Variants in SMOC1 observed in about 807,000 individuals in gnomAD.
SMOC1 encodes the protein SPARC related modular calcium binding 1.
SMOC1 carries 22 observed loss-of-function variants against 56.3 expected under a neutral mutation model. That is an observed-to-expected ratio of 0.39 (90% confidence interval 0.28 to 0.56). SMOC1 has a LOEUF of 0.56. SMOC1 is among the 20% of genes least tolerant of loss of function. SMOC1 has a pLI of 0.61. For missense variants in SMOC1, 509 were observed against 565.4 expected (o/e 0.90, Z 1.01); for synonymous variants, 193 against 215.0 (o/e 0.90, Z 0.89).
chr14:69,902,789 G>A (rs1211629533), intron 1 of SMOC1, among the ~76,000 whole-genome samples: 1 of 152,162 alleles, frequency 6.6e-6, no homozygotes, highest in East Asian at 1.9e-4. Flanking sequence ...ACTGGTTTTC[G>A]TATTTTTTTT....
At chr14:69,879,849 A>G in intron 1 of SMOC1, 72 bp downstream of exon 1, 1 of 1,321,252 alleles carries the variant, frequency 7.6e-7, no homozygotes, top group Non-Finnish European at 1.0e-6. Flanking sequence ...TCCCTGAGGG[A>G]AGGAGGAGGG....
intron 1 of SMOC1, among the ~76,000 whole-genome samples, chr14:69,882,340 A>C (rs1026129350): frequency 3.9e-5 from 6 of 152,204 alleles, no homozygotes; most frequent in African/African-American, 1.4e-4. Context: ...CTAGGAAACC[A>C]AGAGCATGCC....
intron 7 of SMOC1, among the ~76,000 whole-genome samples, chr14:69,997,210 G>A (rs1884799109): frequency 6.6e-6 from 1 of 152,198 alleles, no homozygotes; most frequent in Non-Finnish European, 1.5e-5. Flanking sequence ...GACATGCCCA[G>A]GTAAGCCTGC....
At chr14:69,987,866 C>T (rs1884423798) in intron 5 of SMOC1, among the ~76,000 whole-genome samples, 1 of 152,192 alleles carries the variant, frequency 6.6e-6, no homozygotes, top group Non-Finnish European at 1.5e-5. Context: ...AACCCACTGT[C>T]TGTATAGGCT....
At chr14:69,952,690 G>T (rs949608776) in intron 2 of SMOC1, among the ~76,000 whole-genome samples, 1 of 152,138 alleles carries the variant, frequency 6.6e-6, no homozygotes, top group African/African-American at 2.4e-5. Flanking sequence ...AAACATTTGG[G>T]ATAACATTTA....
intron 1 of SMOC1, among the ~76,000 whole-genome samples, chr14:69,935,289 C>A (rs890866574): frequency 6.6e-6 from 1 of 152,056 alleles, no homozygotes; most frequent in East Asian, 1.9e-4. Flanking sequence ...TTAAATGCAC[C>A]AAAAGTTGGG....
chr14:69,936,532 G>A (rs1338693963), intron 1 of SMOC1, among the ~76,000 whole-genome samples: 1 of 152,254 alleles, frequency 6.6e-6, no homozygotes, highest in African/African-American at 2.4e-5. Context: ...AGCCGAGAAG[G>A]CATCCTTCCT....
chr14:69,972,734 C>A (rs1210482571), intron 3 of SMOC1, among the ~76,000 whole-genome samples: 3 of 152,202 alleles, frequency 2.0e-5, no homozygotes, highest in Admixed American at 6.5e-5. Context: ...GCCCACAGGT[C>A]AGATTATATC....
At position 69,909,927 on chromosome 14, in the gene SMOC1, C is replaced by T. The variant is rs540722636; in HGVS notation, c.99+30150C>T. Reference sequence around the variant, plus strand: ...CTCCATTGATTATTAGTCAAGAGGACGTGATTGGAGACCAAATTTCTTTTT... The same window carrying T: ...CTCCATTGATTATTAGTCAAGAGGATGTGATTGGAGACCAAATTTCTTTTT... On this transcript the variant is annotated intron_variant, in intron 1 of 11. Transcript: ENST00000361956. 7.2e-5 allele frequency among the ~76,000 whole-genome samples: 11 copies of T among 152,268 alleles called. 1 individual carries two copies. Among genetic ancestry groups the T allele is most frequent in the South Asian group, 6.2e-4 (3 of 4,820 alleles).
intron 1 of SMOC1, among the ~76,000 whole-genome samples, chr14:69,949,165 C>G (rs951169600): frequency 9.9e-5 from 15 of 152,206 alleles, no homozygotes; most frequent in Non-Finnish European, 1.6e-4. Context: ...AGATGGCAGG[C>G]TCTGGGCCAC....
chr14:69,971,412 G>C lies in SMOC1; in HGVS notation c.379-4303G>C, dbSNP rs150595486. Among the ~76,000 whole-genome samples, 144 of 152,322 alleles carry C rather than the reference G, an allele frequency of 9.5e-4. 1 individual carries two copies. Among genetic ancestry groups the C allele is most frequent in the African/African-American group, 3.0e-3 (123 of 41,572 alleles). On this transcript the variant is annotated intron_variant, in intron 3 of 11. Coordinates refer to ENST00000361956, the MANE Select transcript of SMOC1 (RefSeq NM_001034852.3). ...GAGTAAACACTTTTTGTCCCTTAAG[G>C]AGGAGCCATCTGTTGACACTTCAGC...
chr14:69,890,195 T>C (rs757716953), intron 1 of SMOC1, among the ~76,000 whole-genome samples: 6 of 152,262 alleles, frequency 3.9e-5, no homozygotes, highest in Non-Finnish European at 7.3e-5. Flanking sequence ...AGCCTCTTAA[T>C]GATGAAGTCG....
At chr14:70,003,055 CT>C (rs1885026018) in intron 7 of SMOC1, among the ~76,000 whole-genome samples, 1 of 152,226 alleles carries the variant, frequency 6.6e-6, no homozygotes, top group African/African-American at 2.4e-5. Context: ...GCACGCTGAC[CT>C]AGAGAATCCT....
chr14:69,924,579 C>G (rs1012336461), intron 1 of SMOC1, among the ~76,000 whole-genome samples: 1 of 151,592 alleles, frequency 6.6e-6, no homozygotes, highest in African/African-American at 2.4e-5. Context: ...CATGATCTGA[C>G]CTCTGCCTCT....
At chr14:69,885,707 G>T (rs924805998) in intron 1 of SMOC1, 9 of 1,447,650 alleles carry the variant, frequency 6.2e-6, no homozygotes, top group Non-Finnish European at 8.7e-6. Context: ...CTCCACCAAG[G>T]TGGTGACAGT....
chr14:69,922,375 T>C (rs1215153999), intron 1 of SMOC1, among the ~76,000 whole-genome samples: 1 of 152,218 alleles, frequency 6.6e-6, no homozygotes, highest in African/African-American at 2.4e-5. Context: ...TATTAAATGC[T>C]TGGGCACAGT....
chr14:69,895,591 T>C (rs2139313024), intron 1 of SMOC1, among the ~76,000 whole-genome samples: 1 of 152,294 alleles, frequency 6.6e-6, no homozygotes, highest in Middle Eastern at 3.4e-3. Context: ...GGGTCCTCCT[T>C]CTTTGGATAC....
At chr14:69,913,106 G>A (rs1206562648) in intron 1 of SMOC1, among the ~76,000 whole-genome samples, 1 of 152,212 alleles carries the variant, frequency 6.6e-6, no homozygotes, top group Non-Finnish European at 1.5e-5. Flanking sequence ...CTTAAGGCCA[G>A]TGAGTGTGGG....
At chr14:69,926,901 G>A (rs1249729257) in intron 1 of SMOC1, among the ~76,000 whole-genome samples, 1 of 152,218 alleles carries the variant, frequency 6.6e-6, no homozygotes, top group Non-Finnish European at 1.5e-5. Flanking sequence ...AATTTGCCCA[G>A]GATTGCTTAT....
Sources: gnomAD v4.1 joint callset for allele counts (sites outside exome capture counted in the v4.1 genomes callset) on GRCh38, gnomAD v4.1.1 for gene constraint, MANE v1.5 for transcripts, NCBI Gene and HGNC (gene_info 2026-07-23, HGNC 2026-07-21) for gene names.